UNC79: variants seen among roughly 807,000 people sequenced by gnomAD.
The protein encoded by UNC79 is unc-79 subunit of NALCN channel complex.
A neutral mutation model predicts 283.1 loss-of-function variants in UNC79; 37 were observed. The observed-to-expected ratio is 0.13, with a 90% confidence interval of 0.10 to 0.17. The LOEUF is 0.17. UNC79 is among the 10% of genes least tolerant of loss of function. The pLI is 1.00. For missense variants in UNC79, 2,272 were observed against 3,211.1 expected, an observed-to-expected ratio of 0.71 and a Z score of 7.07; for synonymous variants, 1,107 against 1,200.2, an observed-to-expected ratio of 0.92 and a Z score of 1.61.
intron 5 of UNC79, among the ~76,000 whole-genome samples, chr14:93,491,140 G>T (rs576935703): frequency 3.3e-5 from 5 of 151,906 alleles, no homozygotes; most frequent in Non-Finnish European, 7.4e-5. Context: ...GATTTCTCTG[G>T]GGCCTCTTTT....
chr14:93,464,498 C>T (rs2057082179), intron 1 of UNC79: 1 of 455,674 alleles, frequency 2.2e-6, no homozygotes, highest in Non-Finnish European at 4.4e-6. Flanking sequence ...CTTAATCACC[C>T]TTTTAAAGGC....
chr14:93,593,160 C>T lies in UNC79; in HGVS notation c.3033-520C>T, dbSNP rs542506201. On this transcript the variant is annotated intron_variant, in intron 22 of 48. Transcript: ENST00000555664. ...CTAATCACTTTATTCAGGTTGTTGA[C>T]GTTCTTTGATCAGCCTGTTTGTGTT... is the stretch of plus-strand genomic sequence containing the variant. Among the ~76,000 whole-genome samples the T allele has an allele frequency of 2.3e-3, 356 of 152,278 alleles. 3 individuals carry two copies. Among genetic ancestry groups the T allele is most frequent in the African/African-American group, 8.2e-3 (340 of 41,548 alleles).
intron 14 of UNC79, among the ~76,000 whole-genome samples, chr14:93,570,941 T>A (rs1186808522): frequency 6.6e-6 from 1 of 152,242 alleles, no homozygotes; most frequent in African/African-American, 2.4e-5. Context: ...TAGTGCTGGC[T>A]CTTTTCTGTC....
intron 1 of UNC79, among the ~76,000 whole-genome samples, chr14:93,378,210 C>A (rs2054599078): frequency 6.6e-6 from 1 of 152,190 alleles, no homozygotes; most frequent in Non-Finnish European, 1.5e-5. Flanking sequence ...CCTGCAGGGA[C>A]AAGATAATAC....
At chr14:93,390,933 G>C (rs1278799419) in intron 1 of UNC79, among the ~76,000 whole-genome samples, 1 of 151,990 alleles carries the variant, frequency 6.6e-6, no homozygotes, top group East Asian at 1.9e-4. Flanking sequence ...CATTTTTTCT[G>C]TGTTTCCTGC....
intron 11 of UNC79, among the ~76,000 whole-genome samples, chr14:93,534,660 T>C (rs936365893): frequency 6.6e-6 from 1 of 152,224 alleles, no homozygotes; most frequent in Non-Finnish European, 1.5e-5. Context: ...CTTCCTTTGA[T>C]CTTTATCCTG....
intron 31 of UNC79, among the ~76,000 whole-genome samples, chr14:93,633,343 TG>T (rs1303238596): frequency 6.6e-6 from 1 of 152,224 alleles, no homozygotes; most frequent in Non-Finnish European, 1.5e-5. Flanking sequence ...CTAAACGTGT[TG>T]TGACCACCAT....
At chr14:93,360,116 G>C (rs903102617) in intron 1 of UNC79, among the ~76,000 whole-genome samples, 2 of 152,134 alleles carry the variant, frequency 1.3e-5, no homozygotes, top group African/African-American at 4.8e-5. Context: ...GTCTCATCCT[G>C]TGGTCATTTC....
chr14:93,639,755 A>G (rs899741423), intron 32 of UNC79, among the ~76,000 whole-genome samples: 1 of 152,208 alleles, frequency 6.6e-6, no homozygotes, highest in Non-Finnish European at 1.5e-5. Context: ...TGACTTTTCA[A>G]AGGCTCAACA....
At chr14:93,498,088 A>G (rs1440428373) in intron 7 of UNC79, among the ~76,000 whole-genome samples, 2 of 151,892 alleles carry the variant, frequency 1.3e-5, no homozygotes, top group Non-Finnish European at 1.5e-5. Context: ...TGAGGTCCAG[A>G]GTTTGAGACC....
At chr14:93,537,849 A>T in intron 11 of UNC79, 140 bp from the exon 12 acceptor site, 1 of 753,036 alleles carries the variant, frequency 1.3e-6, no homozygotes, top group Non-Finnish European at 2.1e-6. Context: ...GTAGTGGGAG[A>T]ATAACCTGCG....
intron 10 of UNC79, among the ~76,000 whole-genome samples, chr14:93,530,051 C>A (rs116139752): frequency 6.6e-6 from 1 of 152,060 alleles, no homozygotes; most frequent in Non-Finnish European, 1.5e-5. Context: ...GAGTAGAGAT[C>A]GGGGCACAGG....
chr14:93,527,285 TG>T (rs1392885749), intron 8 of UNC79, among the ~76,000 whole-genome samples: 2 of 152,264 alleles, frequency 1.3e-5, no homozygotes, highest in African/African-American at 4.8e-5. Flanking sequence ...AACACAGCTA[TG>T]TTAATTTTCT....
chr14:93,621,817 A>G lies in UNC79; in HGVS notation c.4584A>G (p.Ile1528Met). ...AGTCGTGCATAGATCGGTGTGACAT[A>G]GAGAAGCCTCCGACCCAAGCTGCGT... The change falls in exon 30 of 49, where the codon ATA (isoleucine) becomes ATG (methionine). Residue 1528 changes from isoleucine (I) to methionine (M), a missense_variant. Physicochemically the swap from Ile to Met is conservative, Grantham distance 10 (BLOSUM62 1). This residue lies in a region of UNC79 where 580 missense variants were observed against 632.2 expected (regional missense o/e 0.92). Coordinates refer to ENST00000555664, the Ensembl canonical transcript of UNC79. The surrounding 1 kb of genome is among the most constrained non-coding windows in gnomAD (Gnocchi z 4.8). 6.2e-7 allele frequency: 1 copy of G among 1,614,170 alleles called. No individual in the cohort carries two copies. Among genetic ancestry groups the G allele is most frequent in the East Asian group, 2.2e-5 (1 of 44,882 alleles).
chr14:93,505,468 G>A (rs946417242), intron 7 of UNC79, among the ~76,000 whole-genome samples: 1 of 152,016 alleles, frequency 6.6e-6, no homozygotes, highest in Non-Finnish European at 1.5e-5. Flanking sequence ...TTATACTAAT[G>A]TAGCTATACC....
chr14:93,513,195 C>T (rs1450540190), intron 7 of UNC79, among the ~76,000 whole-genome samples: 1 of 124,892 alleles, frequency 8.0e-6, no homozygotes. Flanking sequence ...CCCTCCCTTC[C>T]TTCCTTCTTT....
intron 25 of UNC79, among the ~76,000 whole-genome samples, chr14:93,601,137 G>A (rs1163283007): frequency 6.6e-6 from 1 of 152,136 alleles, no homozygotes; most frequent in Non-Finnish European, 1.5e-5. Context: ...GGGGACATAG[G>A]TGGGTTTTGG....
At position 93,462,335 on chromosome 14, in the gene UNC79, C is replaced by T. The variant is rs181892568; in HGVS notation, c.23-5336C>T. Among the ~76,000 whole-genome samples, 24 of 152,256 alleles carry T rather than the reference C, an allele frequency of 1.6e-4. No individual in the cohort carries two copies. The East Asian group carries it at 3.9e-3, about 24-fold the overall frequency. ...AACAAAACAAAACAAAACACACACA[C>T]AACAGTGTCTGGCTTTTGTGTCACG... On this transcript the variant is annotated intron_variant, in intron 1 of 48. Coordinates refer to ENST00000555664, the Ensembl canonical transcript of UNC79.
At chr14:93,492,017 A>G (rs10782478) in intron 5 of UNC79, among the ~76,000 whole-genome samples, 152,000 of 152,314 alleles carry the variant, frequency 1, 75,849 homozygotes, top group Middle Eastern at 1. Context: ...TGGCAACTTG[A>G]TCCTTGTAGC....
Sources: allele counts gnomAD v4.1 joint callset (sites outside exome capture counted in the v4.1 genomes callset), GRCh38; gene constraint gnomAD v4.1.1; regional missense constraint gnomAD v4.1.1; non-coding constraint Gnocchi (gnomAD v3.1); transcripts MANE v1.5; gene names NCBI Gene and HGNC (gene_info 2026-07-23, HGNC 2026-07-21).